CYFIP2: variants seen among roughly 807,000 people sequenced by gnomAD.
CYFIP2 encodes cytoplasmic FMR1 interacting protein 2.
A neutral mutation model predicts 158.7 loss-of-function variants in CYFIP2; 29 were observed. That is an observed-to-expected ratio of 0.18 (90% CI 0.14 to 0.25). The LOEUF is 0.25. Among genes scored for constraint, CYFIP2 ranks in the 10% least tolerant of loss-of-function variants. CYFIP2 has a pLI of 1.00. For missense variants in CYFIP2, 852 were observed against 1,639.5 expected, an observed-to-expected ratio of 0.52 and a Z score of 8.29; for synonymous variants, 585 against 617.6, an observed-to-expected ratio of 0.95 and a Z score of 0.78.
rs181737965 is a variant in CYFIP2 at position 157,391,831 on chromosome 5, A to T, written c.3595-1002A>T. On this transcript the variant is annotated intron_variant, in intron 30 of 30. Transcript: ENST00000620254. Reference sequence around the variant, plus strand: ...TGGATCGTATGGTAATTCTATGTTTAACTTTTTAGAAACTGCCATTCTGTT... The same window carrying T: ...TGGATCGTATGGTAATTCTATGTTTTACTTTTTAGAAACTGCCATTCTGTT... Among the ~76,000 whole-genome samples the T allele has an allele frequency of 1.8e-3, 239 of 134,144 alleles. 1 individual carries two copies. The highest frequency in any genetic ancestry group is 6.0e-3 in the African/African-American group (223 of 37,190). 88.0% of individuals were successfully genotyped at this position (134,144 alleles called of 152,430 possible).
chr5:157,370,437 T>C (rs1764888742), intron 26 of CYFIP2, among the ~76,000 whole-genome samples: 1 of 152,202 alleles, frequency 6.6e-6, no homozygotes, highest in Admixed American at 6.5e-5. Context: ...GCAACCAGAA[T>C]AATACATTCA....
In CYFIP2 at chr5:157,383,086, A is replaced by G. The variant is rs982636426; in HGVS notation, c.3113-179A>G. 2.8e-5 allele frequency: 17 copies of G among 602,396 alleles called. 1 individual carries two copies. Among genetic ancestry groups the G allele is most frequent in the South Asian group, 2.0e-4 (10 of 50,306 alleles). 37.3% of individuals were successfully genotyped at this position (602,396 alleles called of 1,614,324 possible). ...AGACGATTCCATTCTTGGACAAATC[A>G]TAGAACATTTTTCCTTGTAAAAACT... On this transcript the variant is annotated intron_variant, in intron 27 of 30. Transcript: ENST00000620254.
intron 23 of CYFIP2, among the ~76,000 whole-genome samples, chr5:157,347,720 TG>T (rs1287559867): frequency 6.6e-6 from 1 of 152,244 alleles, no homozygotes; most frequent in Non-Finnish European, 1.5e-5. Flanking sequence ...TTAATATTCT[TG>T]GATGACATTT....
At chr5:157,354,649 A>G (rs1311666764) in intron 23 of CYFIP2, among the ~76,000 whole-genome samples, 1 of 152,004 alleles carries the variant, frequency 6.6e-6, no homozygotes, top group East Asian at 1.9e-4. Context: ...TCCTTCTCAC[A>G]TGAAATGCAT....
intron 3 of CYFIP2, among the ~76,000 whole-genome samples, chr5:157,292,208 TTTTTTA>T (rs1757877971): frequency 6.6e-6 from 1 of 151,206 alleles, no homozygotes; most frequent in African/African-American, 2.4e-5. Flanking sequence ...TCTTTTTTCT[TTTTTTA>T]TTTTTATTTT....
chr5:157,284,077 CAGCTTTT>C (rs1211555849), intron 1 of CYFIP2, among the ~76,000 whole-genome samples: 1 of 152,000 alleles, frequency 6.6e-6, no homozygotes, highest in Non-Finnish European at 1.5e-5. Flanking sequence ...TTCTGAAACT[CAGCTTTT>C]AGTGTTTTTG....
intron 26 of CYFIP2, among the ~76,000 whole-genome samples, chr5:157,372,414 A>G (rs997909129): frequency 3.2e-4 from 49 of 152,216 alleles, no homozygotes; most frequent in Non-Finnish European, 8.8e-5. Flanking sequence ...AAGGATATTC[A>G]TTATTCCTTC....
At chr5:157,296,090 A>G (rs1386537455) in intron 4 of CYFIP2, among the ~76,000 whole-genome samples, 2 of 152,178 alleles carry the variant, frequency 1.3e-5, no homozygotes, top group Non-Finnish European at 2.9e-5. Flanking sequence ...CATGTCAGTA[A>G]CTCATGGACA....
rs1193673542 is a variant in CYFIP2, at chr5:157,394,250, A to C, written c.*1250A>C. On this transcript the variant is annotated 3_prime_UTR_variant, in exon 31 of 31. Transcript: ENST00000620254. ...TGCAGAATCTCCCACCGAGTGTGGT[A>C]AGAAGGAAGGACAAAAGGCTTTAGG... 1 of 152,226 alleles carries C rather than the reference A, an allele frequency of 6.6e-6. No individual in the cohort carries two copies. Among genetic ancestry groups the C allele is most frequent in the African/African-American group, 2.4e-5 (1 of 41,468 alleles). The allele number at this position is 152,226 out of a possible 1,614,324, so 9.4% of individuals were successfully genotyped here. A position where few individuals can be genotyped will look rare whatever the true frequency, so the allele number is the denominator to read the frequency against.
At chr5:157,329,269 G>A (rs1445438630) in intron 19 of CYFIP2, among the ~76,000 whole-genome samples, 2 of 152,244 alleles carry the variant, frequency 1.3e-5, no homozygotes, top group African/African-American at 4.8e-5. Context: ...GATTGAATGG[G>A]ATGTGGTTCT....
chr5:157,306,860 TG>T (rs1156648537), intron 8 of CYFIP2, among the ~76,000 whole-genome samples: 24 of 131,554 alleles, frequency 1.8e-4, no homozygotes, highest in African/African-American at 6.7e-4. Context: ...CCAGCCCGGG[TG>T]GGGTGGGGTA....
At chr5:157,360,103 ACAAC>A (rs1763705102) in intron 24 of CYFIP2, among the ~76,000 whole-genome samples, 175 bp from the exon 25 acceptor site, 1 of 152,246 alleles carries the variant, frequency 6.6e-6, no homozygotes, top group Admixed American at 6.5e-5. Flanking sequence ...TAAGCCCAAG[ACAAC>A]GAGAGAGCTC....
chr5:157,338,715 C>G (rs540215117), intron 21 of CYFIP2, among the ~76,000 whole-genome samples: 1 of 152,176 alleles, frequency 6.6e-6, no homozygotes, highest in African/African-American at 2.4e-5. Context: ...TTTTTTCTCA[C>G]CAACATAGAA....
chr5:157,394,414 T>C lies in CYFIP2; in HGVS notation c.*1414T>C, dbSNP rs1324508622. ...GTTAGCAATGGTTGCCTTAATCAAA[T>C]GGTCCCATTTTTAACCCCAAAGGAA... On this transcript the variant is annotated 3_prime_UTR_variant, in exon 31 of 31. Transcript: ENST00000620254. The C allele has an allele frequency of 6.6e-6, 1 of 152,196 alleles. No homozygotes were observed. Among genetic ancestry groups the C allele is most frequent in the African/African-American group, 2.4e-5 (1 of 41,440 alleles). The allele number at this position is 152,196 out of a possible 1,614,324, so 9.4% of individuals were successfully genotyped here. A position where few individuals can be genotyped will look rare whatever the true frequency, so the allele number is the denominator to read the frequency against.
At chr5:157,383,860 A>G (rs561752446) in intron 28 of CYFIP2, among the ~76,000 whole-genome samples, 62 of 152,392 alleles carry the variant, frequency 4.1e-4, no homozygotes, top group South Asian at 1.7e-3. Context: ...TACTTAATAC[A>G]TAATGAAAAG....
intron 29 of CYFIP2, among the ~76,000 whole-genome samples, chr5:157,390,081 C>G (rs1767121561): frequency 6.6e-6 from 1 of 152,210 alleles, no homozygotes; most frequent in South Asian, 2.1e-4. Flanking sequence ...TGGCCTGTCC[C>G]TTCCCTTTCA....
At chr5:157,285,582 T>A in intron 2 of CYFIP2, 104 bp downstream of exon 2, 1 of 995,020 alleles carries the variant, frequency 1.0e-6, no homozygotes, top group Non-Finnish European at 1.5e-6. Flanking sequence ...ATCTAGAAGG[T>A]GAAAGGTTGT....
chr5:157,310,398 C>T (rs1325507705), intron 10 of CYFIP2, among the ~76,000 whole-genome samples: 1 of 152,114 alleles, frequency 6.6e-6, no homozygotes, highest in African/African-American at 2.4e-5. Flanking sequence ...GTGTGCTTCT[C>T]GCCCGAAGTT....
intron 2 of CYFIP2, among the ~76,000 whole-genome samples, chr5:157,286,020 G>A (rs1757347825): frequency 6.6e-6 from 1 of 152,300 alleles, no homozygotes; most frequent in Non-Finnish European, 1.5e-5. Flanking sequence ...CAGGCCAGAT[G>A]CCATGTTAAG....
Sources: allele counts gnomAD v4.1 joint callset (sites outside exome capture counted in the v4.1 genomes callset), GRCh38; gene constraint gnomAD v4.1.1; transcripts MANE v1.5; gene names NCBI Gene and HGNC (gene_info 2026-07-23, HGNC 2026-07-21).